KLHL13: variants seen among roughly 807,000 people sequenced by gnomAD.
The protein encoded by KLHL13 is kelch-like protein 13.
KLHL13 carries 10 observed loss-of-function variants against 37.1 expected under a neutral mutation model. The ratio of observed to expected loss-of-function variants is 0.27; its 90% confidence interval spans 0.17 to 0.46. KLHL13 has a LOEUF of 0.46. Ranked by LOEUF, KLHL13 falls within the 20% of genes least tolerant of loss-of-function variation. KLHL13 has a pLI of 1.00. For missense variants in KLHL13, 360 were observed against 509.3 expected (o/e 0.71, Z 2.82); for synonymous variants, 163 against 181.2 (o/e 0.90, Z 0.81).
intron 1 of KLHL13, among the ~76,000 whole-genome samples, chrX:118,032,327 A>T (rs1399801089): frequency 2.7e-5 from 3 of 112,133 alleles, no homozygotes; most frequent in Non-Finnish European, 5.6e-5. Context: ...ACCTCTACAG[A>T]CTTAAATGTC....
chrX:118,012,443 A>G (rs751503953), intron 1 of KLHL13, among the ~76,000 whole-genome samples: 71 of 110,013 alleles, frequency 6.5e-4, no homozygotes, highest in African/African-American at 2.2e-3. Context: ...GCACCTTCCT[A>G]TATCTTCAAA....
intron 1 of KLHL13, among the ~76,000 whole-genome samples, chrX:118,056,631 A>ATT (rs1251164161): frequency 8.9e-6 from 1 of 111,908 alleles, no homozygotes; most frequent in Non-Finnish European, 1.9e-5. Context: ...CTTTGTTCAA[A>ATT]TAACTCATGT....
chrX:117,983,668 T>G (rs2053691292), intron 1 of KLHL13: 1 of 441,539 alleles, frequency 2.3e-6, no homozygotes, highest in Non-Finnish European at 3.8e-6. Flanking sequence ...TTATAAATCC[T>G]GAACAGTTAA....
chrX:118,060,097 G>A (rs772735815), intron 1 of KLHL13, among the ~76,000 whole-genome samples: 41 of 111,914 alleles, frequency 3.7e-4, no homozygotes, highest in Non-Finnish European at 7.1e-4. Context: ...GGAGAAAACA[G>A]ACATAACAGA....
chrX:117,945,689 G>A, intron 1 of KLHL13, 114 bp from the exon 3 acceptor site: 1 of 567,839 alleles, frequency 1.8e-6, no homozygotes, highest in Non-Finnish European at 2.8e-6. Flanking sequence ...ATGCAATATG[G>A]TGAATATTGT....
intron 6 of KLHL13, among the ~76,000 whole-genome samples, chrX:117,900,838 A>G (rs1266610453): frequency 1.8e-5 from 2 of 111,176 alleles, no homozygotes; most frequent in Non-Finnish European, 3.8e-5. Context: ...AAATGTCAAT[A>G]CCAGAGGTGG....
At chrX:118,089,610 G>GAA (rs1348260704) in intron 1 of KLHL13, among the ~76,000 whole-genome samples, 862 of 57,315 alleles carry the variant, frequency 0.015, 3 homozygotes, top group Middle Eastern at 0.047. Context: ...GAGAGAGAGA[G>GAA]AGAAAGAAAG....
rs757318018 is a variant in KLHL13 at position 117,946,396 on chromosome X, G to C, written c.99-821C>G. 1.2e-4 allele frequency: 14 copies of C among 112,190 alleles called. No individual in the cohort carries two copies. In the South Asian group the frequency reaches 5.2e-3, roughly 42 times the overall value. The allele number at this position is 112,190 out of a possible 1,213,427, so 9.2% of individuals were successfully genotyped here. A position where few individuals can be genotyped will look rare whatever the true frequency, so the allele number is the denominator to read the frequency against. ...CATAAGTAAGAATAGGAGAACCTTA[G>C]TCAGTAGGTCACTTAGATGCAAAGA... is the stretch of plus-strand genomic sequence containing the variant. On this transcript the variant is annotated intron_variant, in intron 1 of 6. Transcript: ENST00000262820.
At chrX:118,053,849 G>GAAGAGA (rs1555995746) in intron 1 of KLHL13, among the ~76,000 whole-genome samples, 1 of 11,004 alleles carries the variant, frequency 9.1e-5, no homozygotes, top group African/African-American at 3.5e-4. Context: ...GAGAGAGAGA[G>GAAGAGA]GAGAGAGAGA....
At chrX:118,010,253 T>G (rs375399908) in intron 1 of KLHL13, among the ~76,000 whole-genome samples, 30 of 79,542 alleles carry the variant, frequency 3.8e-4, no homozygotes, top group Middle Eastern at 0.011. Flanking sequence ...TATACCCAAA[T>G]GACTATAAAT....
intron 1 of KLHL13, among the ~76,000 whole-genome samples, chrX:118,095,662 G>A (rs1368313357): frequency 8.9e-6 from 1 of 111,940 alleles, no homozygotes; most frequent in Non-Finnish European, 1.9e-5. Flanking sequence ...CTCAGCAAAT[G>A]TAAAAGAACA....
chrX:118,096,958 C>T (rs1268500695), intron 1 of KLHL13, among the ~76,000 whole-genome samples: 2 of 110,815 alleles, frequency 1.8e-5, no homozygotes, highest in Non-Finnish European at 3.8e-5. Flanking sequence ...TATGACAAAC[C>T]CACAGCCAAT....
At chrX:117,962,418 TAA>T (rs1243324660) in intron 1 of KLHL13, among the ~76,000 whole-genome samples, 2 of 109,956 alleles carry the variant, frequency 1.8e-5, no homozygotes, top group Non-Finnish European at 3.8e-5. Flanking sequence ...TGGAACGTGC[TAA>T]AAAGAGTACA....
intron 1 of KLHL13, among the ~76,000 whole-genome samples, chrX:118,012,962 G>T (rs998302369): frequency 1.8e-5 from 2 of 111,767 alleles, no homozygotes; most frequent in Non-Finnish European, 3.8e-5. Flanking sequence ...TTGACTCATG[G>T]ATAAAAATCA....
At chrX:118,022,650 C>A (rs2054230775) in intron 1 of KLHL13, among the ~76,000 whole-genome samples, 1 of 111,888 alleles carries the variant, frequency 8.9e-6, no homozygotes, top group Non-Finnish European at 1.9e-5. Context: ...TAAAATATAT[C>A]TATTCAGGTC....
chrX:118,078,859 G>A (rs181968662), intron 1 of KLHL13, among the ~76,000 whole-genome samples: 17 of 111,667 alleles, frequency 1.5e-4, no homozygotes, highest in Non-Finnish European at 3.8e-5. Flanking sequence ...CAGGGTAGCT[G>A]TACCATTTTG....
chrX:117,934,160 G>A (rs1017943812), intron 2 of KLHL13, among the ~76,000 whole-genome samples: 8 of 110,667 alleles, frequency 7.2e-5, no homozygotes, highest in African/African-American at 2.6e-4. Context: ...ATGGGAGAAG[G>A]GCTGAAAAAC....
intron 2 of KLHL13, among the ~76,000 whole-genome samples, chrX:117,927,234 T>A (rs2147730159): frequency 9.0e-6 from 1 of 111,082 alleles, no homozygotes; most frequent in East Asian, 2.9e-4. Flanking sequence ...TTCTCAAAGC[T>A]CAGAGAGCTT....
At chrX:117,960,966 T>A (rs1343211261) in intron 1 of KLHL13, among the ~76,000 whole-genome samples, 1 of 112,083 alleles carries the variant, frequency 8.9e-6, no homozygotes, top group African/African-American at 3.2e-5. Context: ...AATAAGAGAC[T>A]TGGGCTATGT....
Sources: gnomAD v4.1 joint callset for allele counts (sites outside exome capture counted in the v4.1 genomes callset) on GRCh38, gnomAD v4.1.1 for gene constraint, MANE v1.5 for transcripts, NCBI Gene and HGNC (gene_info 2026-07-23, HGNC 2026-07-21) for gene names.